Variants in KHDC1 observed in about 807,000 individuals in gnomAD.
KHDC1 encodes KH homology domain-containing protein 1.
KHDC1 carries 21 observed loss-of-function variants against 24.7 expected under a neutral mutation model. The observed-to-expected ratio is 0.85, with a 90% CI of 0.60 to 1.23. The LOEUF (loss-of-function observed/expected upper bound fraction) is 1.23, where lower values mean the gene tolerates loss of function less well. KHDC1 is among the 50% of genes most tolerant of loss of function. The pLI, the probability that KHDC1 is intolerant of heterozygous loss-of-function variation, is 0.00. For missense variants in KHDC1, 274 were observed against 298.5 expected (o/e 0.92, Z 0.61); for synonymous variants, 98 against 111.7 (o/e 0.88, Z 0.77).
chr6:73,267,378 G>A (rs1342549431), intron 2 of KHDC1, among the ~76,000 whole-genome samples: 5 of 152,222 alleles, frequency 3.3e-5, no homozygotes, highest in Admixed American at 3.3e-4. Context: ...AGCTACTTGG[G>A]AGGCTGAGGC....
chr6:73,266,379 A>G (rs1372177335), intron 2 of KHDC1, among the ~76,000 whole-genome samples: 1 of 152,238 alleles, frequency 6.6e-6, no homozygotes, highest in African/African-American at 2.4e-5. Flanking sequence ...TCTTTGCCTT[A>G]TCATATAATA....
At chr6:73,242,613 A>G in intron 2 of KHDC1, 83 bp from the exon 2 acceptor site, 1 of 1,570,854 alleles carries the variant, frequency 6.4e-7, no homozygotes, top group Admixed American at 1.8e-5. Context: ...TCTGTCCTTA[A>G]CATAGGAACC....
In KHDC1 at chr6:73,242,531, C is replaced by A. The variant is rs1444662501; in HGVS notation, c.207-1G>T. The stretch of plus-strand genomic sequence containing the variant: ...TCCCATGTCCATGCTCTGCTCCGAC[C>A]TGATACAGAATAGGGCCAAGTCCAA... On this transcript the variant is annotated splice_acceptor_variant, in intron 2 of 4. Transcript: ENST00000370384. LOFTEE classifies it high-confidence loss of function. The A allele has an allele frequency of 6.2e-7, 1 of 1,614,088 alleles. No homozygotes were observed. The highest frequency in any genetic ancestry group is 1.3e-5 in the African/African-American group (1 of 75,034).
chr6:73,260,215 G>A (rs1766955503), intron 2 of KHDC1, among the ~76,000 whole-genome samples: 1 of 152,112 alleles, frequency 6.6e-6, no homozygotes, highest in Non-Finnish European at 1.5e-5. Flanking sequence ...TTACAGGGGA[G>A]TCCAGTGTGA....
intron 2 of KHDC1, chr6:73,291,867 A>T: frequency 1.0e-6 from 1 of 979,164 alleles, no homozygotes; most frequent in Non-Finnish European, 1.6e-6. Context: ...CCTCACTATT[A>T]CACAATACAT....
chr6:73,295,517 A>G (rs117309650), intron 1 of KHDC1, among the ~76,000 whole-genome samples: 6,359 of 152,042 alleles, frequency 0.042, 149 homozygotes, highest in Middle Eastern at 0.068. Flanking sequence ...AGCCTGGGCA[A>G]CATAACAAGA....
rs767550112 is a variant in KHDC1 at position 73,241,523 on chromosome 6, C to G, written c.*6G>C. 5 of 1,613,368 alleles carry G rather than the reference C, an allele frequency of 3.1e-6. No individual in the cohort carries two copies. In the East Asian group the frequency reaches 6.7e-5, roughly 22 times the overall value. On this transcript the variant is annotated 3_prime_UTR_variant, in exon 5 of 5. Coordinates refer to ENST00000370384, the Ensembl canonical transcript of KHDC1. Reference sequence around the variant, plus strand: ...TCCCCACTTCCCAGGGGAGATCAGTCCTTAATTACGGATACAGTGAACTCA... The same window carrying G: ...TCCCCACTTCCCAGGGGAGATCAGTGCTTAATTACGGATACAGTGAACTCA...
chr6:73,298,423 ATTTTTTTTTTTT>A lies in KHDC1; in HGVS notation c.164-6395_164-6384del, dbSNP rs370446904. Reference sequence around the variant, plus strand: ...CCTGGAAGGACTCTATACTTTGCAAATTTTTTTTTTTTTTTTTTTTTTTTTTTTTTGAGACAG... The same window carrying A: ...CCTGGAAGGACTCTATACTTTGCAAATTTTTTTTTTTTTTTTTTGAGACAG... On this transcript the variant is annotated intron_variant, in intron 1 of 4. Coordinates refer to ENST00000370384, the Ensembl canonical transcript of KHDC1. 5.0e-5 allele frequency among the ~76,000 whole-genome samples: 3 copies of A among 59,976 alleles called. No homozygotes were observed. In the South Asian group the frequency reaches 3.0e-3, roughly 59 times the overall value. 39.3% of individuals were successfully genotyped at this position (59,976 alleles called of 152,430 possible).
chr6:73,285,674 C>G (rs1767507688), intron 2 of KHDC1, among the ~76,000 whole-genome samples: 1 of 142,476 alleles, frequency 7.0e-6, no homozygotes, highest in Non-Finnish European at 1.5e-5. Context: ...TTATTATACT[C>G]TAAGTTTTAG....
At chr6:73,281,683 C>G (rs1306308238) in intron 2 of KHDC1, among the ~76,000 whole-genome samples, 1 of 151,534 alleles carries the variant, frequency 6.6e-6, no homozygotes, top group Non-Finnish European at 1.5e-5. Context: ...ACAGAGTGCC[C>G]ATTTACTCCA....
intron 2 of KHDC1, among the ~76,000 whole-genome samples, chr6:73,243,694 T>C (rs186902054): frequency 6.6e-6 from 1 of 152,224 alleles, no homozygotes; most frequent in East Asian, 1.9e-4. Context: ...TCTATCTGAA[T>C]CTGTTCTAGA....
intron 2 of KHDC1, among the ~76,000 whole-genome samples, chr6:73,253,396 A>C (rs1234020800): frequency 6.6e-6 from 1 of 151,822 alleles, no homozygotes; most frequent in African/African-American, 2.4e-5. Flanking sequence ...TACTAAAAAC[A>C]CAAAAAATTA....
chr6:73,244,457 A>G (rs975270083), intron 2 of KHDC1, among the ~76,000 whole-genome samples: 4 of 152,160 alleles, frequency 2.6e-5, no homozygotes, highest in Non-Finnish European at 5.9e-5. Flanking sequence ...CAATATTGAT[A>G]AAACTGAAGG....
intron 2 of KHDC1, among the ~76,000 whole-genome samples, chr6:73,272,209 G>A (rs181896141): frequency 2.0e-5 from 3 of 151,618 alleles, no homozygotes; most frequent in African/African-American, 4.8e-5. Context: ...TGTCGCCCAC[G>A]CTGGAGTGCA....
intron 2 of KHDC1, 63 bp from the exon 1 acceptor site, chr6:73,263,259 G>A (rs1767019999): frequency 1.0e-6 from 1 of 985,952 alleles, no homozygotes; most frequent in East Asian, 1.1e-4. Flanking sequence ...CCCTCCTCCC[G>A]CCTGCTCTGT....
At chr6:73,290,755 G>A in intron 2 of KHDC1, 2 of 349,928 alleles carry the variant, frequency 5.7e-6, no homozygotes, top group Non-Finnish European at 1.1e-5. Flanking sequence ...ATCATCTTCT[G>A]CCACCCACAT....
chr6:73,258,352 A>T (rs960958581), intron 2 of KHDC1, among the ~76,000 whole-genome samples: 7 of 152,202 alleles, frequency 4.6e-5, no homozygotes, highest in Non-Finnish European at 1.0e-4. Context: ...CTAAGGTGGA[A>T]GGATCACTTG....
At chr6:73,241,854 A>T in intron 4 of KHDC1, 126 bp from the exon 4 acceptor site, 1 of 1,122,292 alleles carries the variant, frequency 8.9e-7, no homozygotes, top group Non-Finnish European at 1.3e-6. Flanking sequence ...AAGGTAGCCC[A>T]TTTACACCTC....
chr6:73,284,426 G>A (rs534367978), intron 2 of KHDC1, among the ~76,000 whole-genome samples: 32 of 152,204 alleles, frequency 2.1e-4, no homozygotes, highest in Admixed American at 2.1e-3. Flanking sequence ...CCAGAGGTGG[G>A]CTTAGTGCAC....
Sources: allele counts gnomAD v4.1 joint callset (sites outside exome capture counted in the v4.1 genomes callset), GRCh38; gene constraint gnomAD v4.1.1; transcripts MANE v1.5; gene names NCBI Gene and HGNC (gene_info 2026-07-23, HGNC 2026-07-21).